Variants in RPAP1 observed in about 807,000 individuals in gnomAD.
The protein encoded by RPAP1 is RNA polymerase II associated protein 1.
In RPAP1, 109 loss-of-function variants were observed where a neutral mutation model predicts 142.4. That is an observed-to-expected ratio of 0.77 (90% CI 0.66 to 0.90). The LOEUF (loss-of-function observed/expected upper bound fraction) is 0.90. Among genes scored for constraint, RPAP1 ranks in the 40% least tolerant of loss-of-function variants. RPAP1 has a pLI of 0.00. For synonymous variants in RPAP1, 704 were observed against 738.9 expected (o/e 0.95, Z 0.77); for missense variants, 1,546 against 1,751.7 (o/e 0.88, Z 2.10).
chr15:41,537,038 C>A lies in RPAP1; in HGVS notation c.88G>T (p.Val30Leu). Residue 30 changes from valine (V) to leucine (L), a missense_variant, in exon 2 of 25, where the codon GTG (valine) becomes TTG (leucine). By Grantham distance (32) the Val-to-Leu change is conservative (BLOSUM62 1). Coordinates refer to ENST00000304330, the MANE Select transcript of RPAP1 (RefSeq NM_015540.4). The part of the protein sequence containing the change: ...QFLAAGAAPA[V>L]QLVKKGNRGG... Reference sequence around the variant, plus strand: ...CTATTTCCTTTCTTCACCAACTGCACTGCTGGGGCTGCACCAGCTGCGAGA... The same window carrying A: ...CTATTTCCTTTCTTCACCAACTGCAATGCTGGGGCTGCACCAGCTGCGAGA... The A allele has an allele frequency of 6.2e-7, 1 of 1,614,044 alleles. No individual in the cohort carries two copies. The highest frequency in any genetic ancestry group is 1.1e-5 in the South Asian group (1 of 91,084).
intron 22 of RPAP1, 40 bp downstream of exon 22, chr15:41,520,351 G>A: frequency 1.2e-6 from 2 of 1,609,414 alleles, no homozygotes; most frequent in Non-Finnish European, 1.7e-6. Context: ...GAGGCCCAGT[G>A]CAGGGTACCC....
chr15:41,530,018 C>T (rs748107235), intron 7 of RPAP1, 39 bp from the exon 8 acceptor site: 5 of 1,538,758 alleles, frequency 3.2e-6, no homozygotes, highest in Non-Finnish European at 4.5e-6. Context: ...CCAAACGGCT[C>T]AGCTCACTAT....
chr15:41,520,747 G>C lies in RPAP1; in HGVS notation c.3439C>G (p.Leu1147Val). The change falls in exon 22 of 25, where the codon CTC (leucine) becomes GTC (valine). Residue 1147 changes from leucine (L) to valine (V), a missense_variant. Physicochemically the swap from Leu to Val is conservative, Grantham distance 32. Coordinates refer to ENST00000304330, the MANE Select transcript of RPAP1 (RefSeq NM_015540.4). Reference protein sequence around the residue: ...LVLESWRPQALWAVPPAARLA... With the variant: ...LVLESWRPQAVWAVPPAARLA... ...CGGGCAGCAGGGGGCACAGCCCAGA[G>C]AGCCTGGGGGCGCCAGCTCTCCAAA... 6.2e-7 allele frequency: 1 copy of C among 1,613,830 alleles called. No individual in the cohort carries two copies. The highest frequency in any genetic ancestry group is 2.2e-5 in the East Asian group (1 of 44,872).
In RPAP1 at chr15:41,527,611, A is replaced by T; in HGVS notation, c.1429-6T>A. On this transcript the variant is annotated splice_polypyrimidine_tract_variant and splice_region_variant and intron_variant, in intron 11 of 24. Transcript: ENST00000304330. ...AAGGTGCTGTCGAGGAGCTCCTGCC[A>T]GAGGAACGGGAGTTGGGGGGCAATG... The T allele has an allele frequency of 6.2e-7, 1 of 1,609,340 alleles. No homozygotes were observed. The highest frequency in any genetic ancestry group is 2.2e-5 in the East Asian group (1 of 44,836).
In RPAP1 at chr15:41,521,004, G is replaced by A; in HGVS notation, c.3182C>T (p.Thr1061Ile). 6.2e-7 allele frequency: 1 copy of A among 1,606,556 alleles called. No individual in the cohort carries two copies. Among genetic ancestry groups the A allele is most frequent in the Non-Finnish European group, 8.5e-7 (1 of 1,176,202 alleles). Residue 1061 changes from threonine (T) to isoleucine (I), a missense_variant, in exon 22 of 25, where the codon ACT becomes ATT. By Grantham distance (89) the Thr-to-Ile change is moderately conservative. This residue lies in a region of RPAP1 where 1,333 missense variants were observed against 1,486.6 expected (regional missense o/e 0.90). Coordinates refer to ENST00000304330, the MANE Select transcript of RPAP1 (RefSeq NM_015540.4). ...ACTGGCTCGGGCTGGCGAGCAATGA[G>A]TCAGGTAGCAGTTGCGGATGCTGGG... ...DLPSIRNCYL[T>I]HCSPARASLL...
chr15:41,536,323 G>A (rs1329039083), intron 3 of RPAP1, 105 bp from the exon 4 acceptor site: 1 of 1,315,458 alleles, frequency 7.6e-7, no homozygotes, highest in Admixed American at 1.9e-5. Context: ...TCACTCTGGG[G>A]GGTTACGGAC....
At chr15:41,523,533 A>G (rs557770566) in intron 17 of RPAP1, among the ~76,000 whole-genome samples, 179 bp from the exon 18 acceptor site, 4 of 152,374 alleles carry the variant, frequency 2.6e-5, no homozygotes. Flanking sequence ...AAGAGGGAGC[A>G]CACAGGCTAC....
At position 41,527,888 on chromosome 15, in the gene RPAP1, C is replaced by T. The variant is rs370208090; in HGVS notation, c.1400G>A (p.Arg467Gln). The T allele has an allele frequency of 3.7e-6, 6 of 1,614,024 alleles. No individual in the cohort carries two copies. Among genetic ancestry groups the T allele is most frequent in the Non-Finnish European group, 5.1e-6 (6 of 1,179,994 alleles). ...GVIATAIRAL[R>Q]ALLVAPGDEE... is the part of the protein sequence containing the mutation. ...ATCTCCAGGAGCCACCAGCAGAGCCCGAAGAGCACGGATGGCGGTTGCAAT... is the reference window on the plus strand; with the variant it reads ...ATCTCCAGGAGCCACCAGCAGAGCCTGAAGAGCACGGATGGCGGTTGCAAT... Residue 467 changes from arginine to glutamine, a missense_variant, in exon 11 of 25, where the codon CGG becomes CAG. By Grantham distance (43) the Arg-to-Gln change is conservative (BLOSUM62 1). Around this residue, in one of 3 missense-constraint regions of RPAP1, gnomAD observed 1,333 missense variants for 1,486.6 expected, o/e 0.90. Coordinates refer to ENST00000304330, the MANE Select transcript of RPAP1 (RefSeq NM_015540.4).
intron 10 of RPAP1, 44 bp downstream of exon 10, chr15:41,528,191 G>A: frequency 7.1e-6 from 11 of 1,546,094 alleles, no homozygotes; most frequent in Non-Finnish European, 9.7e-6. Context: ...GAGGCTGTGG[G>A]GTGAAGGGAA....
chr15:41,538,761 GA>G (rs1177036118), intron 1 of RPAP1, among the ~76,000 whole-genome samples: 1 of 152,054 alleles, frequency 6.6e-6, no homozygotes, highest in Non-Finnish European at 1.5e-5. Flanking sequence ...AGGCAAAAAA[GA>G]AATTAACATA....
chr15:41,543,523 C>T (rs1176319501), intron 1 of RPAP1, among the ~76,000 whole-genome samples: 1 of 151,964 alleles, frequency 6.6e-6, no homozygotes, highest in Non-Finnish European at 1.5e-5. Flanking sequence ...TCTATGCTGT[C>T]TTAAGTCCCA....
intron 7 of RPAP1, among the ~76,000 whole-genome samples, chr15:41,530,438 C>T (rs183139470): frequency 6.6e-6 from 1 of 152,302 alleles, no homozygotes; most frequent in Non-Finnish European, 1.5e-5. Flanking sequence ...TCCTCCTTCA[C>T]GCCTACCCCC....
rs1200981883 is a variant in RPAP1, at chr15:41,538,420, A to G, written c.-76-1219T>C. ...AATCCACAGTAAATGTCAGAAACAGAATCTCAAGTTAGGCACTCAAGCTGC... is the reference window on the plus strand; with the variant it reads ...AATCCACAGTAAATGTCAGAAACAGGATCTCAAGTTAGGCACTCAAGCTGC... On this transcript the variant is annotated intron_variant, in intron 1 of 24. Transcript: ENST00000304330. Among the ~76,000 whole-genome samples, 3 of 152,254 alleles carry G rather than the reference A, an allele frequency of 2.0e-5. No homozygotes were observed. The East Asian group carries it at 5.8e-4, about 29-fold the overall frequency.
At position 41,527,625 on chromosome 15, in the gene RPAP1, TG is replaced by T. The variant is rs751296462; in HGVS notation, c.1429-21del. On this transcript the variant is annotated intron_variant, in intron 11 of 24. Coordinates refer to ENST00000304330, the MANE Select transcript of RPAP1 (RefSeq NM_015540.4). The stretch of plus-strand genomic sequence containing the variant: ...GAGCTCCTGCCAGAGGAACGGGAGT[TG>T]GGGGGCAATGCTGAAGGGGCCAGGA... The T allele has an allele frequency of 1.9e-6, 3 of 1,600,656 alleles. No homozygotes were observed. The South Asian group carries it at 3.4e-5, about 18-fold the overall frequency.
At chr15:41,532,767 C>T (rs1295854026) in intron 6 of RPAP1, among the ~76,000 whole-genome samples, 1 of 151,778 alleles carries the variant, frequency 6.6e-6, no homozygotes, top group Non-Finnish European at 1.5e-5. Context: ...CGCTGGAGGT[C>T]AGGAGTTCAA....
In RPAP1 at chr15:41,523,935, AGGAAGG is replaced by A; in HGVS notation, c.2266_2271del (p.Pro756_Ser757del). ...CCAGACACCTGTGTCCAAGTGACTA[AGGAAGG>A]GGTGGCCGAGAGGCTGGCCTCAGCA... is the stretch of plus-strand genomic sequence containing the variant. On this transcript the variant is annotated inframe_deletion, in exon 17 of 25. Transcript: ENST00000304330. 1 of 1,610,942 alleles carries A rather than the reference AGGAAGG, an allele frequency of 6.2e-7. No homozygotes were observed. The highest frequency in any genetic ancestry group is 1.3e-5 in the African/African-American group (1 of 74,960).
chr15:41,522,691 ACCCTCCC>A, intron 19 of RPAP1, 67 bp downstream of exon 19: 1 of 355,624 alleles, frequency 2.8e-6, no homozygotes, highest in Non-Finnish European at 5.3e-6. Flanking sequence ...CGCCCATCCC[ACCCTCCC>A]ACTTTCTTTC....
chr15:41,528,715 A>T (rs749630081), intron 9 of RPAP1, among the ~76,000 whole-genome samples: 5 of 152,190 alleles, frequency 3.3e-5, no homozygotes, highest in Non-Finnish European at 5.9e-5. Context: ...AGAAGCCAGC[A>T]GAGTGGTGTA....
chr15:41,517,552 G>A lies in RPAP1; in HGVS notation c.4172C>T (p.Ser1391Leu). ...LTSTVLQNGV[S>L]ET ...TCTATATCAACTATCCTAGGTCTCT[G>A]ATACCCCATTTTGGAGCACTGTTGA... Residue 1391 changes from serine (S) to leucine (L), a missense_variant, in exon 25 of 25, where the codon TCA becomes TTA. Ser to Leu is a moderately radical substitution (Grantham distance 145). Transcript: ENST00000304330. 6.4e-7 allele frequency: 1 copy of A among 1,566,622 alleles called. No homozygotes were observed. Among genetic ancestry groups the A allele is most frequent in the Non-Finnish European group, 8.6e-7 (1 of 1,157,002 alleles).
Sources: gnomAD v4.1 joint callset for allele counts (sites outside exome capture counted in the v4.1 genomes callset) on GRCh38, gnomAD v4.1.1 for gene constraint, gnomAD v4.1.1 regional missense constraint, MANE v1.5 for transcripts, NCBI Gene and HGNC (gene_info 2026-07-23, HGNC 2026-07-21) for gene names.